LRP1: variants seen among roughly 807,000 people sequenced by gnomAD.
The protein encoded by LRP1 is LDL receptor related protein 1.
LRP1 carries 51 observed loss-of-function variants against 541.5 expected under a neutral mutation model. The ratio of observed to expected loss-of-function variants is 0.09; its 90% CI spans 0.08 to 0.12. The LOEUF (loss-of-function observed/expected upper bound fraction) is 0.12, where lower values mean the gene tolerates loss of function less well. LRP1 is among the 10% of genes least tolerant of loss of function. LRP1 has a pLI of 1.00. For missense variants in LRP1, 3,878 were observed against 6,376.2 expected (o/e 0.61, Z 13.34); for synonymous variants, 2,219 against 2,470.8 (o/e 0.90, Z 3.02).
Position 57,212,637 on chromosome 12 carries a change from C to T in LRP1, c.*82C>T, listed in dbSNP as rs1232942459. ...CTTCAGTGAGCCCCTCCCCAGCCAG[C>T]CCTTCCCTGGCCCCGCCGGATGTAT... On this transcript the variant is annotated 3_prime_UTR_variant, in exon 89 of 89. Transcript: ENST00000243077. This position sits in a 1 kb window ranked among gnomAD's most constrained non-coding sequence, Gnocchi z 5.0. 5.0e-6 allele frequency: 7 copies of T among 1,397,598 alleles called. No individual in the cohort carries two copies. In the South Asian group the frequency reaches 9.8e-5, roughly 19 times the overall value. 86.6% of individuals were successfully genotyped at this position (1,397,598 alleles called of 1,614,324 possible). A position where few individuals can be genotyped will look rare whatever the true frequency, so the allele number is the denominator to read the frequency against.
chr12:57,157,084 C>A (rs1451420425), intron 10 of LRP1, among the ~76,000 whole-genome samples, 164 bp downstream of exon 10: 1 of 152,060 alleles, frequency 6.6e-6, no homozygotes, highest in African/African-American at 2.4e-5. Context: ...AATCCATATT[C>A]GAAAAAAGTG....
intron 82 of LRP1, 27 bp downstream of exon 82, chr12:57,210,507 G>A: frequency 6.6e-7 from 1 of 1,517,922 alleles, no homozygotes; most frequent in Non-Finnish European, 8.8e-7. Context: ...CGCCACGCCT[G>A]CTCCTTGCCC....
chr12:57,186,495 A>G (rs137962740), intron 41 of LRP1, among the ~76,000 whole-genome samples: 2 of 152,264 alleles, frequency 1.3e-5, no homozygotes, highest in South Asian at 2.1e-4. Context: ...TTGCTCATAT[A>G]TTCATTCAGC....
rs199662511 is a variant in LRP1, at chr12:57,179,547, G to A, written c.4957G>A (p.Val1653Ile). ...CAACGGCACAGGCGTGGAGACAGTCGTCTCTGCAGGTTCTTCCTGGCCCTG... is the reference window on the plus strand; with the variant it reads ...CAACGGCACAGGCGTGGAGACAGTCATCTCTGCAGGTTCTTCCTGGCCCTG... ...FINGTGVETV[V>I]SADLPNAHGL... The change falls in exon 29 of 89, where the codon GTC becomes ATC. Residue 1653 changes from valine to isoleucine, a missense_variant. Physicochemically the swap from Val to Ile is conservative, Grantham distance 29. Coordinates refer to ENST00000243077, the MANE Select transcript of LRP1 (RefSeq NM_002332.3). This position sits in a 1 kb window ranked among gnomAD's most constrained non-coding sequence, Gnocchi z 6.8. The A allele has an allele frequency of 1.0e-4, 163 of 1,613,746 alleles. No individual in the cohort carries two copies. The highest frequency in any genetic ancestry group is 7.4e-4 in the East Asian group (33 of 44,876).
In LRP1 at chr12:57,184,711, A is replaced by C. The variant is rs924839979; in HGVS notation, c.6187-128A>C. ...GGCAGTGGGCAGGAGTGTATGCAGGAGGCAGGAGTGAGTTAGGGGAGGCTG... is the reference window on the plus strand; with the variant it reads ...GGCAGTGGGCAGGAGTGTATGCAGGCGGCAGGAGTGAGTTAGGGGAGGCTG... On this transcript the variant is annotated intron_variant, in intron 38 of 88. Coordinates refer to ENST00000243077, the MANE Select transcript of LRP1 (RefSeq NM_002332.3). The surrounding 1 kb of genome is among the most constrained non-coding windows in gnomAD (Gnocchi z 7.8). 4 of 1,064,468 alleles carry C rather than the reference A, an allele frequency of 3.8e-6. No homozygotes were observed. In the South Asian group the frequency reaches 4.7e-5, roughly 13 times the overall value. The allele number at this position is 1,064,468 out of a possible 1,614,324, so 65.9% of individuals were successfully genotyped here.
intron 1 of LRP1, among the ~76,000 whole-genome samples, chr12:57,134,124 C>A (rs1186304688): frequency 6.6e-6 from 1 of 152,042 alleles, no homozygotes; most frequent in Non-Finnish European, 1.5e-5. Context: ...GGGCTGGGTG[C>A]CTGGGTTTGG....
chr12:57,156,816 C>G lies in LRP1; in HGVS notation c.1457C>G (p.Pro486Arg), dbSNP rs749273635. The stretch of plus-strand genomic sequence containing the variant: ...TGTGAAAACGACCAGTATGGGAAGC[C>G]GGGTGGCTGCTCTGACATCTGCCTG... ...HACENDQYGK[P>R]GGCSDICLLA... The change falls in exon 10 of 89, where the codon CCG (proline) becomes CGG (arginine). Residue 486 changes from proline (P) to arginine (R), a missense_variant. This residue lies in a region of LRP1 where 496 missense variants were observed against 861.0 expected (regional missense o/e 0.58). Coordinates refer to ENST00000243077, the MANE Select transcript of LRP1 (RefSeq NM_002332.3). The surrounding 1 kb of genome is among the most constrained non-coding windows in gnomAD (Gnocchi z 5.2). The G allele has an allele frequency of 1.2e-6, 2 of 1,609,202 alleles. No individual in the cohort carries two copies. Among genetic ancestry groups the G allele is most frequent in the East Asian group, 2.2e-5 (1 of 44,840 alleles).
At position 57,175,950 on chromosome 12, in the gene LRP1, A is replaced by T. The variant is rs1429140302; in HGVS notation, c.3835A>T (p.Ile1279Phe). ...PFIIFSNRHEIRRIDLHKGDY... is the reference protein window; with the variant it reads ...PFIIFSNRHEFRRIDLHKGDY... ...CATCATTTTCTCCAACCGCCATGAAATCCGGCGCATCGATCTTCACAAAGG... is the reference window on the plus strand; with the variant it reads ...CATCATTTTCTCCAACCGCCATGAATTCCGGCGCATCGATCTTCACAAAGG... Residue 1279 changes from isoleucine to phenylalanine, a missense_variant, in exon 24 of 89, where the codon ATC (isoleucine) becomes TTC (phenylalanine). Ile to Phe is a conservative substitution (Grantham distance 21). Coordinates refer to ENST00000243077, the MANE Select transcript of LRP1 (RefSeq NM_002332.3). 6.2e-7 allele frequency: 1 copy of T among 1,614,104 alleles called. No homozygotes were observed. The highest frequency in any genetic ancestry group is 8.5e-7 in the Non-Finnish European group (1 of 1,180,022).
chr12:57,195,546 C>T (rs1565747180), intron 52 of LRP1, 112 bp from the exon 53 acceptor site: 1 of 1,582,806 alleles, frequency 6.3e-7, no homozygotes, highest in African/African-American at 1.3e-5. Flanking sequence ...TGTCCAGACT[C>T]CTCATCCAGT....
In LRP1 at chr12:57,183,425, A is replaced by G. The variant is rs61734589; in HGVS notation, c.5709A>G (p.Gly1903=). The G allele has an allele frequency of 3.1e-6, 5 of 1,614,056 alleles. No individual in the cohort carries two copies. Among genetic ancestry groups the G allele is most frequent in the Non-Finnish European group, 4.2e-6 (5 of 1,179,946 alleles). ...ACTCTGTGCATGAGGGAATCAGGGG[A>G]ATTCCCCTGGATCCCAATGACAAGT... ...LLYSVHEGIR[G]IPLDPNDKSD... The change falls in exon 35 of 89, where the codon GGA becomes GGG. Residue 1903 remains glycine (G), a synonymous_variant. Transcript: ENST00000243077. The surrounding 1 kb of genome is among the most constrained non-coding windows in gnomAD (Gnocchi z 6.1).
Position 57,206,361 on chromosome 12 carries a change from G to A in LRP1, c.11591-112G>A, listed in dbSNP as rs116073459. The A allele has an allele frequency of 8.2e-4, 943 of 1,146,828 alleles. 3 individuals carry two copies. In the African/African-American group the frequency reaches 0.012, roughly 15 times the overall value. 71.0% of individuals were successfully genotyped at this position (1,146,828 alleles called of 1,614,324 possible). The stretch of plus-strand genomic sequence containing the variant: ...GGAGGGTAAGCAGCAGCTTCTGGCC[G>A]GAGCAGATGGTCCTACCAGGAGATG... On this transcript the variant is annotated intron_variant, in intron 75 of 88. Coordinates refer to ENST00000243077, the MANE Select transcript of LRP1 (RefSeq NM_002332.3). This position sits in a 1 kb window ranked among gnomAD's most constrained non-coding sequence, Gnocchi z 4.7.
chr12:57,202,543 T>TGGGGGCCCCCCCCCCCCCCCCCCC lies in LRP1; in HGVS notation c.10711+6_10711+7insGGGGGCCCCCCCCCCCCCCCCCCC. Reference sequence around the variant, plus strand: ...CTCCGATGAAGAGAGCTGCAGTACGTCCCCACCCACCCAGCCCCGCATGAG... The same window carrying TGGGGGCCCCCCCCCCCCCCCCCCC: ...CTCCGATGAAGAGAGCTGCAGTACGTGGGGGCCCCCCCCCCCCCCCCCCCCCCCACCCACCCAGCCCCGCATGAG... On this transcript the variant is annotated splice_region_variant and intron_variant, in intron 68 of 88. Transcript: ENST00000243077. The TGGGGGCCCCCCCCCCCCCCCCCCC allele has an allele frequency of 6.6e-7, 1 of 1,523,636 alleles. No homozygotes were observed. Among genetic ancestry groups the TGGGGGCCCCCCCCCCCCCCCCCCC allele is most frequent in the Non-Finnish European group, 8.9e-7 (1 of 1,124,812 alleles). 94.4% of individuals were successfully genotyped at this position (1,523,636 alleles called of 1,614,324 possible).
Position 57,195,981 on chromosome 12 carries a change from G to C in LRP1, c.8679G>C (p.Lys2893Asn), listed in dbSNP as rs372860582. The change falls in exon 54 of 89, where the codon AAG becomes AAC. Residue 2893 changes from lysine to asparagine, a missense_variant. This residue lies in a region of LRP1 where 1,100 missense variants were observed against 1,827.4 expected (regional missense o/e 0.60). Coordinates refer to ENST00000243077, the MANE Select transcript of LRP1 (RefSeq NM_002332.3). ...ACGACCAGAGTGACGAGGCTCCCAA[G>C]AACCCACACTGCACCAGCCAAGGTG... ...DCHDQSDEAP[K>N]NPHCTSQEHK... 6.2e-7 allele frequency: 1 copy of C among 1,612,942 alleles called. No homozygotes were observed. The highest frequency in any genetic ancestry group is 8.5e-7 in the Non-Finnish European group (1 of 1,179,996).
intron 20 of LRP1, among the ~76,000 whole-genome samples, chr12:57,172,596 T>C (rs953368776): frequency 1.3e-5 from 2 of 152,230 alleles, no homozygotes; most frequent in African/African-American, 4.8e-5. Context: ...TGCAGGCCTC[T>C]GCTCAGATTC....
chr12:57,142,409 T>A (rs36024123), intron 3 of LRP1, among the ~76,000 whole-genome samples: 2,340 of 152,296 alleles, frequency 0.015, 68 homozygotes, highest in African/African-American at 0.052. Context: ...AGGAGACTCA[T>A]CTGGATCCTG....
intron 1 of LRP1, among the ~76,000 whole-genome samples, chr12:57,133,414 C>CCTGT (rs1197676408): frequency 5.3e-5 from 8 of 151,974 alleles, no homozygotes; most frequent in East Asian, 1.9e-4. Flanking sequence ...TCCAAGCCAC[C>CCTGT]CTGTCTGTCT....
chr12:57,201,329 T>C lies in LRP1; in HGVS notation c.10346-168T>C, dbSNP rs946931954. On this transcript the variant is annotated intron_variant, in intron 65 of 88. Transcript: ENST00000243077. This position sits in a 1 kb window ranked among gnomAD's most constrained non-coding sequence, Gnocchi z 6.4. ...AATCATCATGCATGATATAGAGACA[T>C]AGAGATCCAGAAAACAAAAAGCACC... Among the ~76,000 whole-genome samples the C allele has an allele frequency of 2.6e-5, 4 of 151,950 alleles. No homozygotes were observed. Among genetic ancestry groups the C allele is most frequent in the Non-Finnish European group, 5.9e-5 (4 of 67,968 alleles).
At position 57,212,631 on chromosome 12, in the gene LRP1, A is replaced by G; in HGVS notation, c.*76A>G. Reference sequence around the variant, plus strand: ...GAAGTCCTTCAGTGAGCCCCTCCCCAGCCAGCCCTTCCCTGGCCCCGCCGG... The same window carrying G: ...GAAGTCCTTCAGTGAGCCCCTCCCCGGCCAGCCCTTCCCTGGCCCCGCCGG... On this transcript the variant is annotated 3_prime_UTR_variant, in exon 89 of 89. Transcript: ENST00000243077. The surrounding 1 kb of genome is among the most constrained non-coding windows in gnomAD (Gnocchi z 5.0). 2 of 1,440,822 alleles carry G rather than the reference A, an allele frequency of 1.4e-6. No individual in the cohort carries two copies. The highest frequency in any genetic ancestry group is 1.9e-6 in the Non-Finnish European group (2 of 1,071,960). 89.3% of individuals were successfully genotyped at this position (1,440,822 alleles called of 1,614,324 possible).
Position 57,158,333 on chromosome 12 carries a change from C to T in LRP1, c.1562-69C>T. 2 of 1,321,462 alleles carry T rather than the reference C, an allele frequency of 1.5e-6. No individual in the cohort carries two copies. The highest frequency in any genetic ancestry group is 1.9e-5 in the Admixed American group (1 of 51,460). 81.9% of individuals were successfully genotyped at this position (1,321,462 alleles called of 1,614,324 possible). On this transcript the variant is annotated intron_variant, in intron 10 of 88. Transcript: ENST00000243077. The surrounding 1 kb of genome is among the most constrained non-coding windows in gnomAD (Gnocchi z 5.3). ...CAGCTAGGGCATTGCAGCCCCTTGG[C>T]CGCAGCCCCTGGGTGGGGATGATGG...
Sources: gnomAD v4.1 joint callset for allele counts (sites outside exome capture counted in the v4.1 genomes callset) on GRCh38, gnomAD v4.1.1 for gene constraint, gnomAD v4.1.1 regional missense constraint, Gnocchi (gnomAD v3.1) non-coding constraint, MANE v1.5 for transcripts, NCBI Gene and HGNC (gene_info 2026-07-23, HGNC 2026-07-21) for gene names.